The following MYH10 variants were observed in gnomAD, a reference collection of about 807,000 sequenced individuals.
The protein encoded by MYH10 is myosin heavy chain 10, also known as myosin-10.
Under a neutral mutation model 257.8 loss-of-function variants are expected in MYH10, and 55 were observed. The ratio of observed to expected loss-of-function variants is 0.21; its 90% CI spans 0.17 to 0.27. MYH10 has a LOEUF of 0.27. Among genes scored for constraint, MYH10 ranks in the 10% least tolerant of loss-of-function variants. MYH10 has a pLI of 1.00. For synonymous variants in MYH10, 854 were observed against 921.7 expected, an observed-to-expected ratio of 0.93 and a Z score of 1.33; for missense variants, 1,631 against 2,500.6, an observed-to-expected ratio of 0.65 and a Z score of 7.42.
rs567030614 is a variant in MYH10 at position 8,630,124 on chromosome 17, G to GC, written c.-32+529dup. On this transcript the variant is annotated intron_variant, in intron 1 of 42. Transcript: ENST00000360416. Reference sequence around the variant, plus strand: ...CACGCAGGGGCCCTTCCTGCCCAGCGCCCCCCCACCCTACCGCCGGGACTG... The same window carrying GC: ...CACGCAGGGGCCCTTCCTGCCCAGCGCCCCCCCCACCCTACCGCCGGGACTG... Among the ~76,000 whole-genome samples, 19 of 148,872 alleles carry GC rather than the reference G, an allele frequency of 1.3e-4. No individual in the cohort carries two copies. In the South Asian group the frequency reaches 2.6e-3, roughly 20 times the overall value.
At position 8,480,434 on chromosome 17, in the gene MYH10, G is replaced by A. The variant is rs1481892310; in HGVS notation, c.5356C>T (p.Leu1786Phe). 1 of 1,613,194 alleles carries A rather than the reference G, an allele frequency of 6.2e-7. No homozygotes were observed. Among genetic ancestry groups the A allele is most frequent in the African/African-American group, 1.3e-5 (1 of 75,006 alleles). The change falls in exon 39 of 43, where the codon CTC becomes TTC. Residue 1786 changes from leucine to phenylalanine, a missense_variant. Coordinates refer to ENST00000360416, the MANE Select transcript of MYH10 (RefSeq NM_001256012.3). ...GTGGTCTTGCGGAAGCGGTCGTTGA[G>A]CAGCTCCATGTTGCTCTGCTCCTCT... ...LEEEQSNMEL[L>F]NDRFRKTTLQ...
chr17:8,590,515 T>C (rs1447175180), intron 3 of MYH10, among the ~76,000 whole-genome samples: 1 of 152,170 alleles, frequency 6.6e-6, no homozygotes, highest in East Asian at 1.9e-4. Context: ...TTTTGCCATG[T>C]TGCCCAGGCT....
rs1306099171 is a variant in MYH10 at position 8,569,221 on chromosome 17, C to A, written c.756+499G>T. On this transcript the variant is annotated intron_variant, in intron 7 of 42. Coordinates refer to ENST00000360416, the MANE Select transcript of MYH10 (RefSeq NM_001256012.3). The surrounding 1 kb of genome is among the most constrained non-coding windows in gnomAD (Gnocchi z 4.1). ...TGGGTGACAGAGCAAGACCCTGTCT[C>A]AAAAAAAAAAAAAAATTAAAGAGAA... Among the ~76,000 whole-genome samples the A allele has an allele frequency of 2.2e-5, 3 of 138,824 alleles. No homozygotes were observed. Among genetic ancestry groups the A allele is most frequent in the Admixed American group, 7.2e-5 (1 of 13,952 alleles). 91.1% of individuals were successfully genotyped at this position (138,824 alleles called of 152,430 possible).
chr17:8,496,427 C>A (rs1916636670), intron 30 of MYH10, among the ~76,000 whole-genome samples: 1 of 152,214 alleles, frequency 6.6e-6, no homozygotes, highest in Non-Finnish European at 1.5e-5. Context: ...GCCTTCAGCA[C>A]CAGCTCTAGA....
intron 37 of MYH10, 143 bp downstream of exon 37, chr17:8,483,995 A>G: frequency 1.4e-6 from 1 of 692,382 alleles, no homozygotes; most frequent in Non-Finnish European, 2.3e-6. Flanking sequence ...GGACCATATT[A>G]AAAATGGATA....
Position 8,569,913 on chromosome 17 carries a change from C to A in MYH10, c.664-101G>T. 2 of 827,786 alleles carry A rather than the reference C, an allele frequency of 2.4e-6. No individual in the cohort carries two copies. Among genetic ancestry groups the A allele is most frequent in the Non-Finnish European group, 3.7e-6 (2 of 545,708 alleles). The allele number at this position is 827,786 out of a possible 1,614,324, so 51.3% of individuals were successfully genotyped here. ...AAAATTTCTAAAAAAGAAACTGCAT[C>A]TTTTCCTCAGTTCTTTCATTCTGTC... On this transcript the variant is annotated intron_variant, in intron 6 of 42. Transcript: ENST00000360416. The surrounding 1 kb of genome is among the most constrained non-coding windows in gnomAD (Gnocchi z 4.1).
At chr17:8,561,767 T>C (rs1275913873) in intron 7 of MYH10, among the ~76,000 whole-genome samples, 1 of 152,136 alleles carries the variant, frequency 6.6e-6, no homozygotes, top group Non-Finnish European at 1.5e-5. Flanking sequence ...TGCAACACTC[T>C]ATTCCTCATC....
intron 37 of MYH10, 123 bp from the exon 38 acceptor site, chr17:8,481,533 AT>A: frequency 1.2e-6 from 1 of 810,518 alleles, no homozygotes; most frequent in Non-Finnish European, 1.9e-6. Flanking sequence ...TCAAGCTGTC[AT>A]TTAGATTTGA....
intron 3 of MYH10, among the ~76,000 whole-genome samples, chr17:8,602,380 G>A (rs2084643549): frequency 6.6e-6 from 1 of 152,170 alleles, no homozygotes; most frequent in African/African-American, 2.4e-5. Flanking sequence ...CACGGTCCTT[G>A]GTCAGGCTAC....
chr17:8,477,995 T>G lies in MYH10; in HGVS notation c.5706+343A>C, dbSNP rs1912980707. ...GCCCACCCTACACCCAGCCAGTATC[T>G]CATGACTGCCAGCAATATCCAGAAA... On this transcript the variant is annotated intron_variant, in intron 41 of 42. Transcript: ENST00000360416. The surrounding 1 kb of genome is among the most constrained non-coding windows in gnomAD (Gnocchi z 4.2). Among the ~76,000 whole-genome samples, 1 of 152,164 alleles carries G rather than the reference T, an allele frequency of 6.6e-6. No individual in the cohort carries two copies. Among genetic ancestry groups the G allele is most frequent in the Non-Finnish European group, 1.5e-5 (1 of 68,032 alleles).
intron 3 of MYH10, among the ~76,000 whole-genome samples, chr17:8,596,348 T>C (rs906506839): frequency 1.3e-5 from 2 of 151,690 alleles, no homozygotes; most frequent in African/African-American, 4.8e-5. Flanking sequence ...AGAGATGGGG[T>C]TTTCACCATG....
intron 4 of MYH10, among the ~76,000 whole-genome samples, chr17:8,579,670 C>T (rs1249197845): frequency 6.6e-6 from 1 of 152,156 alleles, no homozygotes. Flanking sequence ...CTTAGGTACT[C>T]CAATCTACCA....
intron 17 of MYH10, among the ~76,000 whole-genome samples, chr17:8,527,096 T>C (rs531259871): frequency 2.6e-5 from 4 of 152,318 alleles, no homozygotes; most frequent in African/African-American, 9.6e-5. Flanking sequence ...GAAACAAATA[T>C]ATTTAACTAT....
At chr17:8,605,384 A>G (rs2084757997) in intron 2 of MYH10, among the ~76,000 whole-genome samples, 1 of 152,224 alleles carries the variant, frequency 6.6e-6, no homozygotes, top group Non-Finnish European at 1.5e-5. Flanking sequence ...CTTTAAGAAA[A>G]TAGCATTTGT....
At chr17:8,536,601 C>A (rs1166719390) in intron 14 of MYH10, among the ~76,000 whole-genome samples, 2 of 152,006 alleles carry the variant, frequency 1.3e-5, no homozygotes, top group African/African-American at 4.8e-5. Flanking sequence ...GGGTTTGAGA[C>A]CAGCCTGGCC....
chr17:8,492,751 A>C (rs1597633204), intron 33 of MYH10, 25 bp downstream of exon 33: 2 of 1,609,068 alleles, frequency 1.2e-6, no homozygotes, highest in Non-Finnish European at 1.7e-6. Context: ...CTCTGCCAGG[A>C]GGAAACGACA....
intron 7 of MYH10, chr17:8,560,561 CA>C: frequency 3.8e-6 from 3 of 785,578 alleles, no homozygotes; most frequent in Admixed American, 3.7e-5. Flanking sequence ...GACAAAGTTC[CA>C]AAAACAGTGG....
intron 7 of MYH10, among the ~76,000 whole-genome samples, chr17:8,567,459 G>A (rs1457391308): frequency 1.3e-5 from 2 of 152,154 alleles, no homozygotes; most frequent in African/African-American, 4.8e-5. Flanking sequence ...AACTATCTCT[G>A]AAGGTGCTAT....
Position 8,478,333 on chromosome 17 carries a change from C to A in MYH10, c.5706+5G>T, listed in dbSNP as rs112022147. 6.9e-4 allele frequency: 1,116 copies of A among 1,613,350 alleles called. 11 individuals carry two copies. In the South Asian group the frequency reaches 0.012, roughly 17 times the overall value. On this transcript the variant is annotated splice_donor_5th_base_variant and intron_variant, in intron 41 of 42. Transcript: ENST00000360416. Reference sequence around the variant, plus strand: ...CGCTTCCCAGGGAGGCACTTCCTCGCGTACCTGCTCTTTATACTGGTCCGC... The same window carrying A: ...CGCTTCCCAGGGAGGCACTTCCTCGAGTACCTGCTCTTTATACTGGTCCGC...
Sources: gnomAD v4.1 joint callset for allele counts (sites outside exome capture counted in the v4.1 genomes callset) on GRCh38, gnomAD v4.1.1 for gene constraint, Gnocchi (gnomAD v3.1) non-coding constraint, MANE v1.5 for transcripts, NCBI Gene and HGNC (gene_info 2026-07-23, HGNC 2026-07-21) for gene names.